TMTC2: variants seen among roughly 807,000 people sequenced by gnomAD.
The protein encoded by TMTC2 is transmembrane O-mannosyltransferase targeting cadherins 2.
Under a neutral mutation model 82.4 loss-of-function variants are expected in TMTC2, and 43 were observed. That is an observed-to-expected ratio of 0.52 (90% CI 0.41 to 0.67). The LOEUF (loss-of-function observed/expected upper bound fraction) is 0.67, where lower values mean the gene tolerates loss of function less well. TMTC2 is among the 30% of genes least tolerant of loss of function. The pLI is 0.00. For synonymous variants in TMTC2, 408 were observed against 381.9 expected (o/e 1.07, Z -0.80); for missense variants, 919 against 1,012.4 (o/e 0.91, Z 1.25).
chr12:82,861,378 C>T (rs925397033), intron 2 of TMTC2, among the ~76,000 whole-genome samples: 7 of 152,074 alleles, frequency 4.6e-5, no homozygotes, highest in Admixed American at 3.3e-4. Flanking sequence ...AAACCATTTA[C>T]GGAATTTGTC....
At chr12:83,130,276 C>T (rs1592514161) in intron 11 of TMTC2, among the ~76,000 whole-genome samples, 2 of 152,076 alleles carry the variant, frequency 1.3e-5, no homozygotes, top group Non-Finnish European at 2.9e-5. Context: ...GAAATGTGTC[C>T]GAGCTGCAAG....
chr12:82,795,025 C>T (rs1011820125), intron 1 of TMTC2, among the ~76,000 whole-genome samples: 3 of 152,074 alleles, frequency 2.0e-5, no homozygotes, highest in African/African-American at 7.2e-5. Context: ...AGAAAATTGG[C>T]CTGGCGTGGT....
chr12:82,931,035 A>G (rs1876000138), intron 4 of TMTC2, among the ~76,000 whole-genome samples: 1 of 152,082 alleles, frequency 6.6e-6, no homozygotes, highest in African/African-American at 2.4e-5. Context: ...CAGCCTCCCA[A>G]ATAGCTAAGA....
chr12:82,728,449 G>A (rs1199588717), intron 1 of TMTC2, among the ~76,000 whole-genome samples: 3 of 152,004 alleles, frequency 2.0e-5, no homozygotes, highest in Non-Finnish European at 2.9e-5. Context: ...GGCTGGGCGC[G>A]GTGGCTCACT....
chr12:82,703,767 G>A (rs551886105), intron 1 of TMTC2, among the ~76,000 whole-genome samples: 56 of 152,212 alleles, frequency 3.7e-4, no homozygotes, highest in Non-Finnish European at 5.4e-4. Flanking sequence ...GATTACAGGC[G>A]TGAGCCACCG....
intron 1 of TMTC2, among the ~76,000 whole-genome samples, chr12:82,770,212 T>C (rs1054946659): frequency 1.3e-5 from 2 of 152,166 alleles, no homozygotes; most frequent in Non-Finnish European, 2.9e-5. Flanking sequence ...GTGAATTTAG[T>C]ATCCCATTTA....
At chr12:82,757,669 T>C (rs915824245) in intron 1 of TMTC2, among the ~76,000 whole-genome samples, 1 of 152,256 alleles carries the variant, frequency 6.6e-6, no homozygotes, top group African/African-American at 2.4e-5. Flanking sequence ...TGCTTAATGC[T>C]ACCAACATTT....
At chr12:82,965,242 T>G in intron 5 of TMTC2, 133 bp downstream of exon 5, 1 of 682,492 alleles carries the variant, frequency 1.5e-6, no homozygotes, top group Non-Finnish European at 2.5e-6. Context: ...TATGAACCTC[T>G]AACAATTATA....
chr12:82,697,669 A>G (rs975291373), intron 1 of TMTC2, among the ~76,000 whole-genome samples: 1 of 152,194 alleles, frequency 6.6e-6, no homozygotes, highest in Non-Finnish European at 1.5e-5. Context: ...GATGATCTCT[A>G]TTTAAATAAT....
Position 82,938,887 on chromosome 12 carries a change from T to C in TMTC2, c.1598+8342T>C, listed in dbSNP as rs1876552515. ...CCTTTTCCTCCTCTAGTATAGATCT[T>C]ACTACGTTTTTGGTAAGCATTTATA... On this transcript the variant is annotated intron_variant, in intron 4 of 11. Transcript: ENST00000321196. Among the ~76,000 whole-genome samples the C allele has an allele frequency of 2.0e-5, 3 of 152,340 alleles. No homozygotes were observed. The South Asian group carries it at 6.2e-4, about 32-fold the overall frequency.
At chr12:83,129,667 T>G (rs1433905586) in intron 11 of TMTC2, among the ~76,000 whole-genome samples, 1 of 152,176 alleles carries the variant, frequency 6.6e-6, no homozygotes, top group African/African-American at 2.4e-5. Flanking sequence ...AGTTCAGAAA[T>G]CCTCAGTTTG....
In TMTC2 at chr12:83,126,717, C is replaced by T. The variant is rs924510806; in HGVS notation, c.2332-5493C>T. 6.9e-4 allele frequency among the ~76,000 whole-genome samples: 105 copies of T among 151,908 alleles called. 1 individual carries two copies. Among genetic ancestry groups the T allele is most frequent in the African/African-American group, 2.3e-3 (97 of 41,362 alleles). On this transcript the variant is annotated intron_variant, in intron 11 of 11. Coordinates refer to ENST00000321196, the MANE Select transcript of TMTC2 (RefSeq NM_152588.3). ...TCCAAGATAATTTATATAGTTTCTACCTTGCATCAAACCATTAAGCATGCC... is the reference window on the plus strand; with the variant it reads ...TCCAAGATAATTTATATAGTTTCTATCTTGCATCAAACCATTAAGCATGCC...
At chr12:83,027,721 T>C (rs999004386) in intron 8 of TMTC2, among the ~76,000 whole-genome samples, 8 of 152,172 alleles carry the variant, frequency 5.3e-5, no homozygotes, top group Admixed American at 5.2e-4. Context: ...CTAGAAAGAA[T>C]GTTCTCACCT....
intron 1 of TMTC2, among the ~76,000 whole-genome samples, chr12:82,719,076 TATATATATA>T (rs1406254589): frequency 1.1e-4 from 8 of 72,622 alleles, no homozygotes; most frequent in African/African-American, 4.8e-4. Context: ...TATATATATA[TATATATATA>T]TTTTTTTTTT....
chr12:82,917,810 G>A (rs1349585739), intron 3 of TMTC2, among the ~76,000 whole-genome samples: 2 of 152,116 alleles, frequency 1.3e-5, no homozygotes, highest in African/African-American at 4.8e-5. Context: ...CACCGTGTTA[G>A]CCAGGATGGT....
At chr12:82,799,664 G>C (rs900015695) in intron 1 of TMTC2, among the ~76,000 whole-genome samples, 1 of 152,106 alleles carries the variant, frequency 6.6e-6, no homozygotes, top group African/African-American at 2.4e-5. Flanking sequence ...GGCATTCCTT[G>C]CCTTATACTC....
intron 1 of TMTC2, among the ~76,000 whole-genome samples, chr12:82,703,766 C>T (rs1223449525): frequency 2.0e-5 from 3 of 152,076 alleles, no homozygotes; most frequent in Admixed American, 1.3e-4. Flanking sequence ...GGATTACAGG[C>T]GTGAGCCACC....
At chr12:82,905,893 C>T (rs557381324) in intron 3 of TMTC2, among the ~76,000 whole-genome samples, 5 of 150,388 alleles carry the variant, frequency 3.3e-5, no homozygotes, top group African/African-American at 1.2e-4. Context: ...TGCAGTGAGC[C>T]GAGATCGCGT....
In TMTC2 at chr12:82,930,547, T is replaced by C; in HGVS notation, c.1598+2T>C. 1 of 1,563,100 alleles carries C rather than the reference T, an allele frequency of 6.4e-7. No individual in the cohort carries two copies. The highest frequency in any genetic ancestry group is 2.3e-5 in the East Asian group (1 of 43,826). On this transcript the variant is annotated splice_donor_variant, in intron 4 of 11. Transcript: ENST00000321196. LOFTEE classifies it high-confidence loss of function. Reference sequence around the variant, plus strand: ...CATGGCTGACATGCTTTATAATTTGTGAGTATGCCTTGCTTCTCTGGTTTG... The same window carrying C: ...CATGGCTGACATGCTTTATAATTTGCGAGTATGCCTTGCTTCTCTGGTTTG...
Sources: gnomAD v4.1 joint callset for allele counts (sites outside exome capture counted in the v4.1 genomes callset) on GRCh38, gnomAD v4.1.1 for gene constraint, MANE v1.5 for transcripts, NCBI Gene and HGNC (gene_info 2026-07-23, HGNC 2026-07-21) for gene names.